The following SLC27A2 variants were observed in gnomAD, a reference collection of about 807,000 sequenced individuals.
The protein encoded by SLC27A2 is long-chain fatty acid transport protein 2.
SLC27A2 carries 54 observed loss-of-function variants against 60.0 expected under a neutral mutation model. The observed-to-expected ratio is 0.90, with a 90% CI of 0.72 to 1.13. SLC27A2 has a LOEUF of 1.13. SLC27A2 is among the 50% of genes most tolerant of loss of function. SLC27A2 has a pLI of 0.00. For synonymous variants in SLC27A2, 297 were observed against 297.6 expected, an observed-to-expected ratio of 1.00 and a Z score of 0.02; for missense variants, 739 against 777.6, an observed-to-expected ratio of 0.95 and a Z score of 0.59.
chr15:50,192,716 T>C (rs531933482), intron 1 of SLC27A2, among the ~76,000 whole-genome samples: 23 of 151,246 alleles, frequency 1.5e-4, no homozygotes, highest in Non-Finnish European at 3.2e-4. Flanking sequence ...GGCTAATATT[T>C]CTTTGTGTGT....
chr15:50,224,875 G>A (rs1429282664), intron 5 of SLC27A2, among the ~76,000 whole-genome samples: 4 of 151,920 alleles, frequency 2.6e-5, no homozygotes, highest in African/African-American at 4.8e-5. Flanking sequence ...ACTGAGAATC[G>A]ATCTCCTACA....
At chr15:50,221,615 C>T (rs1044177947) in intron 4 of SLC27A2, among the ~76,000 whole-genome samples, 3 of 152,198 alleles carry the variant, frequency 2.0e-5, no homozygotes, top group African/African-American at 7.2e-5. Context: ...TCCAAAACCA[C>T]TTCACAGTGA....
intron 1 of SLC27A2, among the ~76,000 whole-genome samples, chr15:50,191,742 A>G (rs1023533231): frequency 1.2e-4 from 18 of 152,306 alleles, no homozygotes; most frequent in African/African-American, 3.1e-4. Flanking sequence ...TAAAAGGTAG[A>G]TAGATATTTT....
chr15:50,202,447 A>T (rs373368184), intron 2 of SLC27A2, 40 bp from the exon 3 acceptor site: 1 of 1,608,860 alleles, frequency 6.2e-7, no homozygotes, highest in African/African-American at 1.3e-5. Context: ...TAAATGCCCA[A>T]TCTTGGTTAA....
chr15:50,208,082 C>T (rs1051822009), intron 4 of SLC27A2, among the ~76,000 whole-genome samples: 5 of 152,260 alleles, frequency 3.3e-5, no homozygotes, highest in Admixed American at 6.5e-5. Flanking sequence ...ACCCCACCAG[C>T]GACCCCCAAG....
chr15:50,203,013 T>TAAA (rs5812508), intron 3 of SLC27A2, among the ~76,000 whole-genome samples: 2,078 of 133,044 alleles, frequency 0.016, 27 homozygotes, highest in African/African-American at 0.026. Flanking sequence ...ACCTCATCTC[T>TAAA]AAAAAAAATA....
chr15:50,233,106 C>T (rs1383150811), intron 8 of SLC27A2, among the ~76,000 whole-genome samples: 3 of 152,170 alleles, frequency 2.0e-5, no homozygotes, highest in Admixed American at 6.5e-5. Context: ...GATCTGTTCT[C>T]TCTGTGGAGA....
chr15:50,225,898 G>A (rs951609930), intron 5 of SLC27A2, 90 bp from the exon 6 acceptor site: 1 of 847,658 alleles, frequency 1.2e-6, no homozygotes. Context: ...TCTTCAACCT[G>A]TACGCCTAAG....
At chr15:50,215,170 C>G (rs375172330) in intron 4 of SLC27A2, among the ~76,000 whole-genome samples, 1 of 152,106 alleles carries the variant, frequency 6.6e-6, no homozygotes, top group South Asian at 2.1e-4. Context: ...TATACACCAA[C>G]AGCGACCAAG....
At chr15:50,208,105 G>A (rs903928224) in intron 4 of SLC27A2, among the ~76,000 whole-genome samples, 2 of 152,196 alleles carry the variant, frequency 1.3e-5, no homozygotes, top group African/African-American at 4.8e-5. Flanking sequence ...CTGGATGCCA[G>A]GGAGGCAACC....
At chr15:50,193,611 G>T (rs1472321538) in intron 1 of SLC27A2, among the ~76,000 whole-genome samples, 1 of 152,136 alleles carries the variant, frequency 6.6e-6, no homozygotes. Flanking sequence ...TGTAAGCAAG[G>T]CATACTTGTA....
chr15:50,204,280 C>T (rs57290798), intron 3 of SLC27A2, among the ~76,000 whole-genome samples: 43,139 of 151,694 alleles, frequency 0.28, 6,428 homozygotes, highest in East Asian at 0.48. Flanking sequence ...GCCTGGTCAA[C>T]GTGGCAAAAC....
In SLC27A2 at chr15:50,212,483, A is replaced by G. The variant is rs554950200; in HGVS notation, c.972+7120A>G. ...CACATAAAGATCTTTGCCTAGGCAC[A>G]TTGTCATCAGGTTATCCAAAGTTAA... On this transcript the variant is annotated intron_variant, in intron 4 of 9. Coordinates refer to ENST00000267842, the MANE Select transcript of SLC27A2 (RefSeq NM_003645.4). Among the ~76,000 whole-genome samples the G allele has an allele frequency of 5.3e-5, 8 of 152,378 alleles. No homozygotes were observed. In the South Asian group the frequency reaches 1.7e-3, roughly 32 times the overall value.
rs371082022 is a variant in SLC27A2 at position 50,227,194 on chromosome 15, T to C, written c.1457+16T>C. The C allele has an allele frequency of 5.3e-5, 85 of 1,605,250 alleles. No individual in the cohort carries two copies. In the African/African-American group the frequency reaches 9.0e-4, roughly 17 times the overall value. On this transcript the variant is annotated intron_variant, in intron 7 of 9. Coordinates refer to ENST00000267842, the MANE Select transcript of SLC27A2 (RefSeq NM_003645.4). ...ATACATTCCGGTTGGTTTTTCTGAATCATTGAGCCAAAAACAAACACACGC... is the reference window on the plus strand; with the variant it reads ...ATACATTCCGGTTGGTTTTTCTGAACCATTGAGCCAAAAACAAACACACGC...
intron 4 of SLC27A2, among the ~76,000 whole-genome samples, chr15:50,206,983 T>A (rs889413171): frequency 1.3e-5 from 2 of 152,208 alleles, no homozygotes; most frequent in African/African-American, 2.4e-5. Flanking sequence ...ATTATTGAAT[T>A]TTTTTCACAT....
intron 9 of SLC27A2, 110 bp from the exon 10 acceptor site, chr15:50,235,810 C>A: frequency 2.8e-6 from 2 of 722,098 alleles, no homozygotes; most frequent in Non-Finnish European, 4.5e-6. Flanking sequence ...TCACATGAGC[C>A]AGGGATGCTA....
chr15:50,195,349 G>C (rs112022967), intron 1 of SLC27A2, among the ~76,000 whole-genome samples: 1 of 150,918 alleles, frequency 6.6e-6, no homozygotes, highest in African/African-American at 2.5e-5. Flanking sequence ...AAATTAGCCA[G>C]GTGTGGTGGC....
intron 3 of SLC27A2, among the ~76,000 whole-genome samples, chr15:50,203,070 C>T (rs1042739943): frequency 6.6e-6 from 1 of 151,072 alleles, no homozygotes; most frequent in Non-Finnish European, 1.5e-5. Context: ...AGTCTGTAGT[C>T]CCAGCTACCC....
chr15:50,189,064 GGATA>G (rs745986532), intron 1 of SLC27A2, among the ~76,000 whole-genome samples: 2 of 152,030 alleles, frequency 1.3e-5, no homozygotes, highest in African/African-American at 2.4e-5. Flanking sequence ...CATACATAAT[GGATA>G]GATAATGTCT....
Sources: allele counts gnomAD v4.1 joint callset (sites outside exome capture counted in the v4.1 genomes callset), GRCh38; gene constraint gnomAD v4.1.1; transcripts MANE v1.5; gene names NCBI Gene and HGNC (gene_info 2026-07-23, HGNC 2026-07-21).